Variants in XKR4 observed in about 807,000 individuals in gnomAD.
XKR4 encodes XK related 4, also known as XK-related protein 4.
XKR4 carries 12 observed loss-of-function variants against 53.9 expected under a neutral mutation model. The observed-to-expected ratio is 0.22, with a 90% confidence interval of 0.14 to 0.36. The LOEUF is 0.36. Ranked by LOEUF, XKR4 falls within the 10% of genes least tolerant of loss-of-function variation. The pLI is 1.00. For synonymous variants in XKR4, 354 were observed against 362.4 expected, an observed-to-expected ratio of 0.98 and a Z score of 0.26; for missense variants, 799 against 859.5, an observed-to-expected ratio of 0.93 and a Z score of 0.88.
intron 1 of XKR4, among the ~76,000 whole-genome samples, chr8:55,229,868 C>CT (rs5891563): frequency 1.7e-3 from 245 of 140,328 alleles, no homozygotes; most frequent in African/African-American, 3.1e-3. Flanking sequence ...AGTTAATTAG[C>CT]TTTTTTTTTT....
rs1585624450 is a variant in XKR4, at chr8:55,538,757, T to C, written c.*14530T>C. On this transcript the variant is annotated 3_prime_UTR_variant, in exon 3 of 3. Transcript: ENST00000327381. ...TGTACTCATGATCACCAGGTGGCGTTCTGAAATCCACTACTGGGGAAAGAT... is the reference window on the plus strand; with the variant it reads ...TGTACTCATGATCACCAGGTGGCGTCCTGAAATCCACTACTGGGGAAAGAT... 6.6e-6 allele frequency: 1 copy of C among 152,316 alleles called. No individual in the cohort carries two copies. The highest frequency in any genetic ancestry group is 1.9e-4 in the East Asian group (1 of 5,184). 9.4% of individuals were successfully genotyped at this position (152,316 alleles called of 1,614,324 possible).
In XKR4 at chr8:55,357,884, G is replaced by T; in HGVS notation, c.1006+7G>T. ...AGCTTACAGGCCCTCCAAGGTAAGG[G>T]CTTGCAATTTGGTTTCTGAATTTGG... is the stretch of plus-strand genomic sequence containing the variant. On this transcript the variant is annotated splice_region_variant and intron_variant, in intron 2 of 2. Transcript: ENST00000327381. The T allele has an allele frequency of 6.2e-7, 1 of 1,604,230 alleles. No homozygotes were observed. Among genetic ancestry groups the T allele is most frequent in the Non-Finnish European group, 8.5e-7 (1 of 1,172,836 alleles).
Position 55,289,851 on chromosome 8 carries a change from GGAAAGAAAGAAAGAAAGAAA to G in XKR4, c.807-67790_807-67771del, listed in dbSNP as rs541321670. 5.6e-3 allele frequency among the ~76,000 whole-genome samples: 754 copies of G among 135,686 alleles called. 9 individuals are homozygous for G. Among genetic ancestry groups the G allele is most frequent in the East Asian group, 0.042 (192 of 4,536 alleles). The allele number at this position is 135,686 out of a possible 152,430, so 89.0% of individuals were successfully genotyped here. A position where few individuals can be genotyped will look rare whatever the true frequency, so the allele number is the denominator to read the frequency against. On this transcript the variant is annotated intron_variant, in intron 1 of 2. Coordinates refer to ENST00000327381, the MANE Select transcript of XKR4 (RefSeq NM_052898.2). ...GGAAGGAAGGAAGAGAAAGAAAGAA[GGAAAGAAAGAAAGAAAGAAA>G]GAAAGAAAGAAAGAAAGAAAGAAAG...
intron 1 of XKR4, among the ~76,000 whole-genome samples, chr8:55,256,909 C>T (rs1462050355): frequency 6.6e-6 from 1 of 152,122 alleles, no homozygotes; most frequent in Non-Finnish European, 1.5e-5. Context: ...CTTCTGGAGG[C>T]TGGGAAGTTC....
At chr8:55,307,481 A>G (rs1169547921) in intron 1 of XKR4, among the ~76,000 whole-genome samples, 4 of 152,190 alleles carry the variant, frequency 2.6e-5, no homozygotes, top group African/African-American at 9.6e-5. Context: ...GGGAGACACT[A>G]TCTTTACAAA....
chr8:55,377,718 G>A (rs1042881558), intron 2 of XKR4, among the ~76,000 whole-genome samples: 27 of 152,312 alleles, frequency 1.8e-4, no homozygotes, highest in African/African-American at 2.6e-4. Context: ...CCTGCATGTC[G>A]TGAGGCCACC....
chr8:55,500,181 C>CAAAAAAAAAAA (rs36233927), intron 2 of XKR4, among the ~76,000 whole-genome samples: 29 of 115,590 alleles, frequency 2.5e-4, no homozygotes, highest in African/African-American at 1.1e-3. Context: ...CAAATTGGGC[C>CAAAAAAAAAAA]AAAAAAAAAA....
In XKR4 at chr8:55,534,493, C is replaced by T. The variant is rs902171759; in HGVS notation, c.*10266C>T. ...GGTTCACACCATCCTTCTGCCTCAG[C>T]CTTCTGAGTAGGTGGGACTACAGGC... On this transcript the variant is annotated 3_prime_UTR_variant, in exon 3 of 3. Coordinates refer to ENST00000327381, the MANE Select transcript of XKR4 (RefSeq NM_052898.2). 2.0e-5 allele frequency: 3 copies of T among 149,404 alleles called. No individual in the cohort carries two copies. Among genetic ancestry groups the T allele is most frequent in the African/African-American group, 7.4e-5 (3 of 40,650 alleles). The allele number at this position is 149,404 out of a possible 1,614,324, so 9.3% of individuals were successfully genotyped here.
In XKR4 at chr8:55,159,927, C is replaced by A. The variant is rs188906550; in HGVS notation, c.806+56633C>A. ...AGTTGACATGATGCTAGGGATGGTT[C>A]TTCTCTGATCACTTCTTGTCATGAG... On this transcript the variant is annotated intron_variant, in intron 1 of 2. Coordinates refer to ENST00000327381, the MANE Select transcript of XKR4 (RefSeq NM_052898.2). Among the ~76,000 whole-genome samples, 568 of 152,252 alleles carry A rather than the reference C, an allele frequency of 3.7e-3. 3 individuals carry two copies. Among genetic ancestry groups the A allele is most frequent in the Admixed American group, 7.9e-3 (121 of 15,288 alleles).
chr8:55,296,245 C>G (rs1391821850), intron 1 of XKR4, among the ~76,000 whole-genome samples: 1 of 152,174 alleles, frequency 6.6e-6, no homozygotes, highest in South Asian at 2.1e-4. Flanking sequence ...TAAGGAAATG[C>G]TGTTGCACGT....
chr8:55,316,147 A>G (rs892524330), intron 1 of XKR4, among the ~76,000 whole-genome samples: 15 of 150,742 alleles, frequency 1.0e-4, no homozygotes, highest in African/African-American at 3.7e-4. Flanking sequence ...CCCCCTCCAA[A>G]GTAACAGTGA....
At chr8:55,198,075 A>G (rs1428314976) in intron 1 of XKR4, among the ~76,000 whole-genome samples, 1 of 152,224 alleles carries the variant, frequency 6.6e-6, no homozygotes, top group Non-Finnish European at 1.5e-5. Flanking sequence ...GATGCTCTGG[A>G]TCTGTTCTTC....
chr8:55,137,861 C>G (rs531632239), intron 1 of XKR4, among the ~76,000 whole-genome samples: 1 of 151,924 alleles, frequency 6.6e-6, no homozygotes, highest in South Asian at 2.1e-4. Flanking sequence ...TGTGAGCTTG[C>G]CCTTCACAGA....
At chr8:55,433,027 C>T (rs1028268876) in intron 2 of XKR4, among the ~76,000 whole-genome samples, 3 of 152,170 alleles carry the variant, frequency 2.0e-5, no homozygotes, top group Non-Finnish European at 4.4e-5. Context: ...AGGAGTATCA[C>T]TTTTGTGTAG....
In XKR4 at chr8:55,176,032, G is replaced by T. The variant is rs140912862; in HGVS notation, c.806+72738G>T. Among the ~76,000 whole-genome samples, 3 of 152,326 alleles carry T rather than the reference G, an allele frequency of 2.0e-5. No homozygotes were observed. In the East Asian group the frequency reaches 5.8e-4, roughly 29 times the overall value. On this transcript the variant is annotated intron_variant, in intron 1 of 2. Coordinates refer to ENST00000327381, the MANE Select transcript of XKR4 (RefSeq NM_052898.2). Reference sequence around the variant, plus strand: ...TTTTTCTCTATTTGGCAGATAGAGAGTTGAGGCTGTCTTCTAAAGCTTGAG... The same window carrying T: ...TTTTTCTCTATTTGGCAGATAGAGATTTGAGGCTGTCTTCTAAAGCTTGAG...
In XKR4 at chr8:55,139,508, G is replaced by A. The variant is rs578067521; in HGVS notation, c.806+36214G>A. 6.3e-4 allele frequency among the ~76,000 whole-genome samples: 28 copies of A among 44,468 alleles called. No homozygotes were observed. In the South Asian group the frequency reaches 0.011, roughly 17 times the overall value. The allele number at this position is 44,468 out of a possible 152,430, so 29.2% of individuals were successfully genotyped here. On this transcript the variant is annotated intron_variant, in intron 1 of 2. Coordinates refer to ENST00000327381, the MANE Select transcript of XKR4 (RefSeq NM_052898.2). ...AGGCTGGGTGACAGAGCAAGACTCC[G>A]TCTCAAAAAAAAAAAAAAAGAGTGC...
chr8:55,301,607 C>T (rs889019430), intron 1 of XKR4, among the ~76,000 whole-genome samples: 1 of 152,154 alleles, frequency 6.6e-6, no homozygotes, highest in Non-Finnish European at 1.5e-5. Context: ...TTTACAGTCC[C>T]AGCAGCAGTG....
Position 55,481,616 on chromosome 8 carries a change from G to A in XKR4, c.1007-41665G>A, listed in dbSNP as rs1230861041. Among the ~76,000 whole-genome samples, 5 of 151,958 alleles carry A rather than the reference G, an allele frequency of 3.3e-5. No individual in the cohort carries two copies. In the South Asian group the frequency reaches 1.0e-3, roughly 32 times the overall value. On this transcript the variant is annotated intron_variant, in intron 2 of 2. Coordinates refer to ENST00000327381, the MANE Select transcript of XKR4 (RefSeq NM_052898.2). ...CATCAGAGTGAACAGGCAACCTACAGAATGGGAGAAAATTTTTGCAACCTA... is the reference window on the plus strand; with the variant it reads ...CATCAGAGTGAACAGGCAACCTACAAAATGGGAGAAAATTTTTGCAACCTA...
chr8:55,443,542 A>C (rs1483955878), intron 2 of XKR4, among the ~76,000 whole-genome samples: 2 of 147,540 alleles, frequency 1.4e-5, no homozygotes, highest in East Asian at 1.9e-4. Context: ...AAAAAAAAAA[A>C]AAAAAAAAAA....
Sources: gnomAD v4.1 joint callset for allele counts (sites outside exome capture counted in the v4.1 genomes callset) on GRCh38, gnomAD v4.1.1 for gene constraint, MANE v1.5 for transcripts, NCBI Gene and HGNC (gene_info 2026-07-23, HGNC 2026-07-21) for gene names.